Variants in THAP6 observed in about 807,000 individuals in gnomAD.
THAP6 encodes THAP domain containing 6, also known as THAP domain-containing protein 6.
A neutral mutation model predicts 20.0 loss-of-function variants in THAP6; 13 were observed. The ratio of observed to expected loss-of-function variants is 0.65; its 90% CI spans 0.42 to 1.03. The LOEUF (loss-of-function observed/expected upper bound fraction) is 1.03, where lower values mean the gene tolerates loss of function less well. THAP6 is among the 50% of genes least tolerant of loss of function. The probability of loss-of-function intolerance (pLI) is 0.00; values close to 1 mark genes in which losing one functional copy is unlikely to be tolerated. For missense variants in THAP6, 262 were observed against 261.6 expected (o/e 1.00, Z -0.01); for synonymous variants, 93 against 92.2 (o/e 1.01, Z -0.05).
At chr4:75,526,854 A>G in intron 4 of THAP6, 106 bp from the exon 5 acceptor site, 1 of 1,470,920 alleles carries the variant, frequency 6.8e-7, no homozygotes, top group African/African-American at 1.4e-5. Context: ...CCAACTTAAA[A>G]ATGTTCTCCA....
rs751493402 is a variant in THAP6, at chr4:75,521,809, A to G, written c.362A>G (p.His121Arg). The change falls in exon 4 of 5, where the codon CAT (histidine) becomes CGT (arginine). Residue 121 changes from histidine (H) to arginine (R), a missense_variant. Physicochemically the swap from His to Arg is conservative, Grantham distance 29. Coordinates refer to ENST00000311638, the MANE Select transcript of THAP6 (RefSeq NM_144721.6). ...KTVPATNYNH[H>R]LVGASSCIEE... ...GTTCCAGCCACTAACTACAATCACCATCTTGTTGGTGCTTCCTCATGTATT... is the reference window on the plus strand; with the variant it reads ...GTTCCAGCCACTAACTACAATCACCGTCTTGTTGGTGCTTCCTCATGTATT... The G allele has an allele frequency of 1.2e-5, 19 of 1,613,328 alleles. No homozygotes were observed. The highest frequency in any genetic ancestry group is 1.4e-5 in the Non-Finnish European group (16 of 1,179,590).
At chr4:75,526,639 A>G (rs1726388215) in intron 4 of THAP6, among the ~76,000 whole-genome samples, 2 of 152,236 alleles carry the variant, frequency 1.3e-5, no homozygotes, top group African/African-American at 2.4e-5. Flanking sequence ...ATAGGTAAAA[A>G]TTAAACTTAG....
In THAP6 at chr4:75,546,555, G is replaced by A. The variant is rs141997348; in HGVS notation, c.244-3050G>A. On this transcript the variant is annotated intron_variant, in intron 3 of 4. Transcript: ENST00000502620. The stretch of plus-strand genomic sequence containing the variant: ...TAAGCATGACAGAGAAAGAATATGG[G>A]CATGTGTTAGGATTCCCTAGAGAAA... Among the ~76,000 whole-genome samples, 624 of 152,310 alleles carry A rather than the reference G, an allele frequency of 4.1e-3. 6 individuals are homozygous for A. Among genetic ancestry groups the A allele is most frequent in the African/African-American group, 0.014 (599 of 41,558 alleles).
In THAP6 at chr4:75,520,115, C is replaced by T. The variant is rs1351413583; in HGVS notation, c.289-1621C>T. Among the ~76,000 whole-genome samples the T allele has an allele frequency of 3.9e-5, 6 of 152,212 alleles. No homozygotes were observed. The East Asian group carries it at 9.7e-4, about 25-fold the overall frequency. On this transcript the variant is annotated intron_variant, in intron 3 of 4. Coordinates refer to ENST00000311638, the MANE Select transcript of THAP6 (RefSeq NM_144721.6). ...CATTTTTTCATGTGTTTTTTGGCTG[C>T]GTAAATATCTTCTTTTGAGAAGTGT...
intron 2 of THAP6, among the ~76,000 whole-genome samples, chr4:75,535,033 C>T (rs528221532): frequency 6.6e-6 from 1 of 152,180 alleles, no homozygotes; most frequent in East Asian, 1.9e-4. Context: ...ACCATTTGAC[C>T]CAGCCATCCC....
In THAP6 at chr4:75,523,958, G is replaced by T. The variant is rs1388768285; in HGVS notation, c.414+2097G>T. The stretch of plus-strand genomic sequence containing the variant: ...ATTTTTGTATATTGTAAGAAGTAGG[G>T]GTCTAGTTTAGTTTTTCTGCATATG... On this transcript the variant is annotated intron_variant, in intron 4 of 4. Coordinates refer to ENST00000311638, the MANE Select transcript of THAP6 (RefSeq NM_144721.6). Among the ~76,000 whole-genome samples the T allele has an allele frequency of 2.0e-5, 3 of 152,028 alleles. No homozygotes were observed. The East Asian group carries it at 5.8e-4, about 29-fold the overall frequency.
intron 2 of THAP6, 50 bp downstream of exon 2, chr4:75,515,582 G>A (rs1390700625): frequency 3.8e-6 from 6 of 1,574,988 alleles, no homozygotes; most frequent in Non-Finnish European, 5.2e-6. Flanking sequence ...GTTATAAAAA[G>A]CAAAAGACAG....
chr4:75,526,321 T>C (rs969048146), intron 4 of THAP6, among the ~76,000 whole-genome samples: 2 of 152,222 alleles, frequency 1.3e-5, no homozygotes, highest in Non-Finnish European at 2.9e-5. Flanking sequence ...AAAAGTCTTC[T>C]TTACTAATTT....
At position 75,525,818 on chromosome 4, in the gene THAP6, G is replaced by A. The variant is rs1473995654; in HGVS notation, c.415-1142G>A. 3.3e-5 allele frequency among the ~76,000 whole-genome samples: 5 copies of A among 152,296 alleles called. No homozygotes were observed. The East Asian group carries it at 7.7e-4, about 23-fold the overall frequency. ...TGCATACTTAGTGTCCATGAATCTT[G>A]ACATTTTCAAGTCTGGCTAGTGGGA... On this transcript the variant is annotated intron_variant, in intron 4 of 4. Transcript: ENST00000311638.
At chr4:75,543,303 T>C (rs549353554) in intron 3 of THAP6, among the ~76,000 whole-genome samples, 1 of 152,358 alleles carries the variant, frequency 6.6e-6, no homozygotes, top group African/African-American at 2.4e-5. Flanking sequence ...CTATAGTATA[T>C]TAGTAATATT....
intron 3 of THAP6, 179 bp downstream of exon 3, chr4:75,517,158 CA>C: frequency 7.7e-6 from 4 of 522,466 alleles, no homozygotes; most frequent in Admixed American, 3.3e-5. Flanking sequence ...GCTGGGATTA[CA>C]GGCACCTGCC....
At chr4:75,521,989 G>C (rs1400672680) in intron 4 of THAP6, 128 bp downstream of exon 4, 4 of 1,120,454 alleles carry the variant, frequency 3.6e-6, no homozygotes, top group African/African-American at 3.1e-5. Context: ...AAATAATATT[G>C]CTTCCTAGAG....
intron 2 of THAP6, chr4:75,542,363 C>A (rs1439449746): frequency 5.7e-6 from 4 of 696,102 alleles, no homozygotes; most frequent in Middle Eastern, 2.3e-4. Flanking sequence ...TAGAGCTGAT[C>A]GCAATTTTCA....
At chr4:75,521,632 A>G in intron 3 of THAP6, 104 bp from the exon 4 acceptor site, 1 of 1,202,784 alleles carries the variant, frequency 8.3e-7, no homozygotes. Context: ...TTCCATGAAA[A>G]GAAATGTGGT....
upstream of THAP6, chr4:75,514,368 A>G (rs1440709115): frequency 1.4e-6 from 2 of 1,452,018 alleles, no homozygotes; most frequent in Non-Finnish European, 1.9e-6. Context: ...TCTCTAGCAC[A>G]CCCCTCCCAG....
chr4:75,526,696 C>G (rs910227180), intron 4 of THAP6, among the ~76,000 whole-genome samples: 2 of 152,198 alleles, frequency 1.3e-5, no homozygotes, highest in African/African-American at 4.8e-5. Context: ...TTGCAAGTGT[C>G]ATGCTATTCA....
At chr4:75,544,361 T>A (rs1727079307) in intron 3 of THAP6, 1 of 152,026 alleles carries the variant, frequency 6.6e-6, no homozygotes, top group Non-Finnish European at 1.5e-5. Context: ...CAGGCTGGAG[T>A]GCAGTGGCGC....
chr4:75,526,951 T>G lies in THAP6; in HGVS notation c.415-9T>G. 1 of 1,609,630 alleles carries G rather than the reference T, an allele frequency of 6.2e-7. No individual in the cohort carries two copies. Among genetic ancestry groups the G allele is most frequent in the Non-Finnish European group, 8.5e-7 (1 of 1,177,128 alleles). ...GTCTGATTTAATAACTTGGTGTTTA[T>G]GTTTTTAGGAACATAGCTACAGTGT... On this transcript the variant is annotated splice_polypyrimidine_tract_variant and intron_variant, in intron 4 of 4. Coordinates refer to ENST00000311638, the MANE Select transcript of THAP6 (RefSeq NM_144721.6).
downstream of THAP6, among the ~76,000 whole-genome samples, chr4:75,530,338 T>G (rs1726641389): frequency 6.6e-6 from 1 of 152,260 alleles, no homozygotes; most frequent in Non-Finnish European, 1.5e-5. Flanking sequence ...CATTGTGCTT[T>G]CTTCTTCATA....
Sources: allele counts gnomAD v4.1 joint callset (sites outside exome capture counted in the v4.1 genomes callset), GRCh38; gene constraint gnomAD v4.1.1; transcripts MANE v1.5; gene names NCBI Gene and HGNC (gene_info 2026-07-23, HGNC 2026-07-21).